PTPRQ: variants seen among roughly 807,000 people sequenced by gnomAD.
The protein encoded by PTPRQ is protein tyrosine phosphatase receptor type Q.
PTPRQ carries 199 observed loss-of-function variants against 246.0 expected under a neutral mutation model. The ratio of observed to expected loss-of-function variants is 0.81; its 90% CI spans 0.72 to 0.91. PTPRQ has a LOEUF of 0.91. PTPRQ is among the 40% of genes least tolerant of loss of function. PTPRQ has a pLI of 0.00. For missense variants in PTPRQ, 2,624 were observed against 2,528.4 expected (o/e 1.04, Z -0.81); for synonymous variants, 869 against 853.2 (o/e 1.02, Z -0.32).
At chr12:80,624,574 AC>A (rs1250527427) in intron 33 of PTPRQ, among the ~76,000 whole-genome samples, 4 of 152,102 alleles carry the variant, frequency 2.6e-5, no homozygotes, top group African/African-American at 9.7e-5. Context: ...ATGAGAATGC[AC>A]CCCTGGAGCA....
intron 3 of PTPRQ, among the ~76,000 whole-genome samples, chr12:80,446,911 C>A (rs113769020): frequency 4.5e-4 from 68 of 151,972 alleles, no homozygotes; most frequent in Admixed American, 7.9e-4. Flanking sequence ...ACAATGATTT[C>A]TTTTCCTGGA....
chr12:80,632,451 T>C (rs969241191), intron 34 of PTPRQ, among the ~76,000 whole-genome samples, 160 bp downstream of exon 34: 1 of 152,216 alleles, frequency 6.6e-6, no homozygotes, highest in African/African-American at 2.4e-5. Context: ...TATGATACTT[T>C]AAAGTGTATA....
intron 6 of PTPRQ, among the ~76,000 whole-genome samples, chr12:80,467,621 T>C (rs1893474052): frequency 6.6e-6 from 1 of 152,040 alleles, no homozygotes; most frequent in South Asian, 2.1e-4. Flanking sequence ...TGTCCAACAA[T>C]GATAGACTGG....
At chr12:80,504,821 A>G (rs376733521) in intron 14 of PTPRQ, among the ~76,000 whole-genome samples, 90 of 151,998 alleles carry the variant, frequency 5.9e-4, no homozygotes, top group African/African-American at 2.1e-3. Context: ...ACAGCATATT[A>G]TTTATTTCTT....
intron 26 of PTPRQ, among the ~76,000 whole-genome samples, chr12:80,596,664 T>C (rs534957584): frequency 3.5e-4 from 54 of 152,192 alleles, no homozygotes; most frequent in African/African-American, 1.2e-3. Flanking sequence ...ACATTGTGAA[T>C]TTTTGTCTTT....
chr12:80,482,819 C>T (rs1489210664), intron 8 of PTPRQ, among the ~76,000 whole-genome samples: 2 of 145,572 alleles, frequency 1.4e-5, no homozygotes, highest in Non-Finnish European at 3.0e-5. Context: ...ATCAAAACCA[C>T]AATGAGATAT....
chr12:80,647,524 C>T (rs1900114549), intron 35 of PTPRQ, among the ~76,000 whole-genome samples: 1 of 152,048 alleles, frequency 6.6e-6, no homozygotes, highest in Non-Finnish European at 1.5e-5. Flanking sequence ...TGCTGGTCTT[C>T]GCTGAGGGGT....
intron 32 of PTPRQ, among the ~76,000 whole-genome samples, chr12:80,620,811 A>G (rs887626231): frequency 6.6e-6 from 1 of 151,880 alleles, no homozygotes; most frequent in Admixed American, 6.6e-5. Flanking sequence ...CACTCATAAC[A>G]ATAACTCTCT....
intron 37 of PTPRQ, among the ~76,000 whole-genome samples, chr12:80,652,378 C>A (rs1900285939): frequency 6.6e-6 from 1 of 152,076 alleles, no homozygotes; most frequent in African/African-American, 2.4e-5. Context: ...AAAAATAAAT[C>A]ATTGAAATCC....
chr12:80,479,001 G>T (rs371013885), intron 8 of PTPRQ, among the ~76,000 whole-genome samples: 1 of 151,482 alleles, frequency 6.6e-6, no homozygotes, highest in Admixed American at 6.6e-5. Flanking sequence ...GCAGGCCAAC[G>T]TTCAGATTCA....
intron 25 of PTPRQ, among the ~76,000 whole-genome samples, chr12:80,553,626 C>A (rs1206662894): frequency 6.6e-6 from 1 of 152,022 alleles, no homozygotes; most frequent in African/African-American, 2.4e-5. Context: ...TTGGTCAAAT[C>A]TGGATGCAGC....
chr12:80,556,456 C>A (rs1019048555), intron 25 of PTPRQ, among the ~76,000 whole-genome samples: 4 of 152,212 alleles, frequency 2.6e-5, no homozygotes, highest in East Asian at 1.9e-4. Flanking sequence ...AGTTAAGAAC[C>A]AGTAACCTAA....
chr12:80,674,194 G>A (rs1901062743), intron 43 of PTPRQ, among the ~76,000 whole-genome samples: 1 of 152,040 alleles, frequency 6.6e-6, no homozygotes, highest in Non-Finnish European at 1.5e-5. Context: ...TACACAAATA[G>A]AGATTCTCTT....
intron 25 of PTPRQ, among the ~76,000 whole-genome samples, chr12:80,569,084 T>C (rs1897063029): frequency 6.6e-6 from 1 of 152,012 alleles, no homozygotes. Context: ...GTCTGTCTTT[T>C]TAGTACTGAG....
rs937268721 is a variant in PTPRQ, at chr12:80,588,084, G to T, written c.4286-45G>T. On this transcript the variant is annotated intron_variant, in intron 25 of 44. Transcript: ENST00000644991. ...CTATTCTTTCTTCTCTTTATGAAGT[G>T]TTTGGTAATTGTAACTGCTTTTAAT... 3.5e-5 allele frequency: 51 copies of T among 1,471,038 alleles called. No homozygotes were observed. The East Asian group carries it at 4.5e-4, about 13-fold the overall frequency. 91.1% of individuals were successfully genotyped at this position (1,471,038 alleles called of 1,614,324 possible).
At chr12:80,631,366 T>TA (rs946630300) in intron 33 of PTPRQ, among the ~76,000 whole-genome samples, 18 of 151,700 alleles carry the variant, frequency 1.2e-4, no homozygotes, top group East Asian at 7.7e-4. Flanking sequence ...GATAAAAGTT[T>TA]AAAAAAAAAT....
chr12:80,659,027 T>A (rs1900542204), intron 39 of PTPRQ, among the ~76,000 whole-genome samples: 1 of 152,046 alleles, frequency 6.6e-6, no homozygotes, highest in Non-Finnish European at 1.5e-5. Flanking sequence ...TGATAACTAA[T>A]CTAAAATTAC....
chr12:80,605,966 G>A (rs988041959), intron 27 of PTPRQ, among the ~76,000 whole-genome samples: 1 of 150,922 alleles, frequency 6.6e-6, no homozygotes, highest in African/African-American at 2.4e-5. Flanking sequence ...AAAGGGCAAG[G>A]AAAAAGAACA....
chr12:80,486,662 T>C (rs1229349370), intron 9 of PTPRQ, among the ~76,000 whole-genome samples: 1 of 152,188 alleles, frequency 6.6e-6, no homozygotes, highest in Non-Finnish European at 1.5e-5. Flanking sequence ...GTTTTTCCTT[T>C]CTTTGACCTT....
Sources: allele counts gnomAD v4.1 joint callset (sites outside exome capture counted in the v4.1 genomes callset), GRCh38; gene constraint gnomAD v4.1.1; transcripts MANE v1.5; gene names NCBI Gene and HGNC (gene_info 2026-07-23, HGNC 2026-07-21).